Variants in LDAH observed in about 807,000 individuals in gnomAD.
LDAH encodes the protein lipid droplet-associated hydrolase.
In LDAH, 26 loss-of-function variants were observed where a neutral mutation model predicts 29.6. The observed-to-expected ratio is 0.88, with a 90% CI of 0.64 to 1.22. The LOEUF is 1.22. LDAH is among the 50% of genes most tolerant of loss of function. LDAH has a pLI of 0.00. For synonymous variants in LDAH, 117 were observed against 133.0 expected, an observed-to-expected ratio of 0.88 and a Z score of 0.83; for missense variants, 344 against 387.3, an observed-to-expected ratio of 0.89 and a Z score of 0.94.
chr2:20,770,225 T>C (rs1277145788), intron 4 of LDAH, among the ~76,000 whole-genome samples: 1 of 152,062 alleles, frequency 6.6e-6, no homozygotes, highest in African/African-American at 2.4e-5. Flanking sequence ...AGAGAGTGAG[T>C]TTAAGTAATC....
At chr2:20,694,740 A>G (rs1431246234) in intron 6 of LDAH, among the ~76,000 whole-genome samples, 1 of 152,194 alleles carries the variant, frequency 6.6e-6, no homozygotes, top group Non-Finnish European at 1.5e-5. Context: ...AGTAGGTCCT[A>G]TGGGGCACTG....
intron 6 of LDAH, among the ~76,000 whole-genome samples, chr2:20,697,785 T>C (rs1296766364): frequency 6.6e-6 from 1 of 152,142 alleles, no homozygotes; most frequent in Non-Finnish European, 1.5e-5. Context: ...TTGGAAAAAT[T>C]TACATGTTTA....
At chr2:20,748,834 TCTG>T (rs1345784945) in intron 4 of LDAH, among the ~76,000 whole-genome samples, 2 of 152,198 alleles carry the variant, frequency 1.3e-5, no homozygotes, top group African/African-American at 4.8e-5. Flanking sequence ...ATAGGATGGC[TCTG>T]CTGATCAAGA....
intron 3 of LDAH, among the ~76,000 whole-genome samples, chr2:20,784,777 C>G (rs1004494503): frequency 3.9e-5 from 6 of 151,902 alleles, no homozygotes; most frequent in African/African-American, 1.5e-4. Flanking sequence ...GTCCCAGCTA[C>G]TTGGGAGGCT....
chr2:20,700,360 C>T (rs995562675), intron 6 of LDAH, among the ~76,000 whole-genome samples: 3 of 152,072 alleles, frequency 2.0e-5, no homozygotes, highest in Non-Finnish European at 4.4e-5. Context: ...TTTCAAAAGT[C>T]CTCTCTGGGT....
intron 5 of LDAH, among the ~76,000 whole-genome samples, chr2:20,731,336 T>C (rs1172014661): frequency 1.3e-5 from 2 of 152,214 alleles, no homozygotes; most frequent in Non-Finnish European, 2.9e-5. Context: ...TTAAAGTGTG[T>C]GGCACCTCTC....
chr2:20,767,307 C>T (rs1229668373), intron 4 of LDAH, among the ~76,000 whole-genome samples: 1 of 151,754 alleles, frequency 6.6e-6, no homozygotes. Context: ...CTCCCTTGCC[C>T]TTGAAGGCTT....
chr2:20,753,762 T>C (rs1668121837), intron 4 of LDAH, among the ~76,000 whole-genome samples: 1 of 152,206 alleles, frequency 6.6e-6, no homozygotes, highest in African/African-American at 2.4e-5. Context: ...TAGATAGCCA[T>C]GTGGCTAACT....
intron 6 of LDAH, among the ~76,000 whole-genome samples, chr2:20,687,476 A>G (rs564426402): frequency 6.6e-6 from 1 of 152,388 alleles, no homozygotes; most frequent in South Asian, 2.1e-4. Flanking sequence ...TAATAAACTT[A>G]GTTGTTTCCA....
At chr2:20,757,557 G>T (rs1232237375) in intron 4 of LDAH, among the ~76,000 whole-genome samples, 4 of 152,166 alleles carry the variant, frequency 2.6e-5, no homozygotes, top group Non-Finnish European at 5.9e-5. Context: ...AGCTGTGATG[G>T]TCAATTTTAC....
At chr2:20,781,530 C>T (rs890302890) in intron 3 of LDAH, among the ~76,000 whole-genome samples, 3 of 152,164 alleles carry the variant, frequency 2.0e-5, no homozygotes, top group Non-Finnish European at 2.9e-5. Context: ...GTTGCCTATC[C>T]AAAGCCACTA....
At chr2:20,714,103 T>C (rs1052939685) in intron 5 of LDAH, among the ~76,000 whole-genome samples, 2 of 152,176 alleles carry the variant, frequency 1.3e-5, no homozygotes, top group Non-Finnish European at 2.9e-5. Context: ...ACATGGCACT[T>C]ATTCCAAAAT....
chr2:20,799,723 T>G (rs913485634), intron 2 of LDAH, among the ~76,000 whole-genome samples: 9 of 152,190 alleles, frequency 5.9e-5, no homozygotes, highest in Non-Finnish European at 1.3e-4. Context: ...ATACTCTGCC[T>G]TTACGAGATC....
chr2:20,785,776 T>G (rs1670503571), intron 3 of LDAH, among the ~76,000 whole-genome samples: 1 of 152,226 alleles, frequency 6.6e-6, no homozygotes, highest in Non-Finnish European at 1.5e-5. Context: ...CCCACTGATT[T>G]TTTCCTCAGC....
At chr2:20,771,205 C>T (rs1464165243) in intron 4 of LDAH, among the ~76,000 whole-genome samples, 11 of 152,024 alleles carry the variant, frequency 7.2e-5, no homozygotes, top group Admixed American at 5.2e-4. Flanking sequence ...CTGACATATA[C>T]AATAAGTCTC....
intron 5 of LDAH, among the ~76,000 whole-genome samples, chr2:20,736,233 G>A (rs1180767928): frequency 3.3e-5 from 5 of 152,144 alleles, no homozygotes; most frequent in Non-Finnish European, 5.9e-5. Flanking sequence ...CCTGAGGTTA[G>A]GAGGTTGAGA....
Position 20,744,062 on chromosome 2 carries a change from GA to G in LDAH, c.469-3858del, listed in dbSNP as rs1285150649. 2.6e-5 allele frequency among the ~76,000 whole-genome samples: 4 copies of G among 151,426 alleles called. No individual in the cohort carries two copies. The South Asian group carries it at 8.4e-4, about 32-fold the overall frequency. On this transcript the variant is annotated intron_variant, in intron 4 of 6. Transcript: ENST00000237822. Reference sequence around the variant, plus strand: ...GCATTTCTCTTTGCTTTTTCCTTAGGATTTCCATCTCTCTTCTTACATTGTC... The same window carrying G: ...GCATTTCTCTTTGCTTTTTCCTTAGGTTTCCATCTCTCTTCTTACATTGTC...
intron 5 of LDAH, among the ~76,000 whole-genome samples, chr2:20,715,332 C>G (rs546579329): frequency 2.6e-5 from 4 of 152,260 alleles, no homozygotes; most frequent in South Asian, 2.1e-4. Context: ...ATTCAACAGC[C>G]CTTCATGCTA....
chr2:20,776,915 G>C (rs754401092), intron 3 of LDAH, among the ~76,000 whole-genome samples: 3 of 152,192 alleles, frequency 2.0e-5, no homozygotes, highest in South Asian at 4.1e-4. Flanking sequence ...GGGCTCTGGA[G>C]ATGAGATACA....
Sources: allele counts gnomAD v4.1 joint callset (sites outside exome capture counted in the v4.1 genomes callset), GRCh38; gene constraint gnomAD v4.1.1; transcripts MANE v1.5; gene names NCBI Gene and HGNC (gene_info 2026-07-23, HGNC 2026-07-21).